The following EMILIN2 variants were observed in gnomAD, a reference collection of about 807,000 sequenced individuals.
EMILIN2 encodes the protein EMILIN-2.
Under a neutral mutation model 87.1 loss-of-function variants are expected in EMILIN2, and 71 were observed. That is an observed-to-expected ratio of 0.82 (90% CI 0.67 to 0.99). EMILIN2 has a LOEUF of 0.99. Ranked by LOEUF, EMILIN2 falls within the 50% of genes least tolerant of loss-of-function variation. EMILIN2 has a pLI of 0.00. For synonymous variants in EMILIN2, 581 were observed against 563.4 expected, an observed-to-expected ratio of 1.03 and a Z score of -0.44; for missense variants, 1,407 against 1,371.8, an observed-to-expected ratio of 1.03 and a Z score of -0.40.
In EMILIN2 at chr18:2,847,956, GC is replaced by G; in HGVS notation, c.257+26del. 1 of 1,595,060 alleles carries G rather than the reference GC, an allele frequency of 6.3e-7. No homozygotes were observed. The highest frequency in any genetic ancestry group is 1.1e-5 in the South Asian group (1 of 89,850). ...TGTAAGTCCTGGAGCCGGGGAGCGG[GC>G]GGGGCGCGCCCGGGCCGGGGCGGTG... On this transcript the variant is annotated intron_variant, in intron 2 of 7. Transcript: ENST00000254528. The surrounding 1 kb of genome is among the most constrained non-coding windows in gnomAD (Gnocchi z 4.5).
rs762400510 is a variant in EMILIN2 at position 2,847,805 on chromosome 18, C to A, written c.135-4C>A. 71 of 1,612,858 alleles carry A rather than the reference C, an allele frequency of 4.4e-5. No individual in the cohort carries two copies. The highest frequency in any genetic ancestry group is 5.8e-5 in the Non-Finnish European group (68 of 1,179,704). On this transcript the variant is annotated splice_region_variant and splice_polypyrimidine_tract_variant and intron_variant, in intron 1 of 7. Coordinates refer to ENST00000254528, the MANE Select transcript of EMILIN2 (RefSeq NM_032048.3). The surrounding 1 kb of genome is among the most constrained non-coding windows in gnomAD (Gnocchi z 4.5). ...CCCCTCTCCCTCTCTCTCCTGCACC[C>A]CAGGAACTGGTGCGCCTACATCGTG... is the stretch of plus-strand genomic sequence containing the variant.
intron 2 of EMILIN2, among the ~76,000 whole-genome samples, chr18:2,858,617 A>G (rs1223883348): frequency 1.5e-5 from 2 of 131,082 alleles, no homozygotes; most frequent in South Asian, 4.8e-4. Context: ...ATATATATAT[A>G]TGTTCCACAG....
chr18:2,853,042 G>A (rs2076609144), intron 2 of EMILIN2, among the ~76,000 whole-genome samples: 1 of 152,084 alleles, frequency 6.6e-6, no homozygotes, highest in Non-Finnish European at 1.5e-5. Context: ...GAAGGAAAGG[G>A]GCACCATCCC....
intron 7 of EMILIN2, 90 bp downstream of exon 7, chr18:2,909,909 TC>T (rs1428761765): frequency 2.6e-6 from 4 of 1,555,152 alleles, no homozygotes; most frequent in Non-Finnish European, 3.5e-6. Context: ...GTTCCCAGCG[TC>T]CCGTGGGCTC....
rs1189895287 is a variant in EMILIN2, at chr18:2,913,509, A to G, written c.*105A>G. The G allele has an allele frequency of 4.4e-6, 4 of 910,920 alleles. No individual in the cohort carries two copies. The Admixed American group carries it at 8.8e-5, about 20-fold the overall frequency. 56.4% of individuals were successfully genotyped at this position (910,920 alleles called of 1,614,324 possible). On this transcript the variant is annotated 3_prime_UTR_variant, in exon 8 of 8. Coordinates refer to ENST00000254528, the MANE Select transcript of EMILIN2 (RefSeq NM_032048.3). ...GGAAGCACGGGGCTAGAGTTTCCACATAGGCCCCAACATAAAGGCCTTCCC... is the reference window on the plus strand; with the variant it reads ...GGAAGCACGGGGCTAGAGTTTCCACGTAGGCCCCAACATAAAGGCCTTCCC...
At chr18:2,855,255 A>C (rs1254255732) in intron 2 of EMILIN2, among the ~76,000 whole-genome samples, 1 of 152,162 alleles carries the variant, frequency 6.6e-6, no homozygotes, top group Non-Finnish European at 1.5e-5. Flanking sequence ...CTAGGTTCCC[A>C]GTGGAGGAGA....
At chr18:2,910,690 TGGGA>T (rs1419533344) in intron 7 of EMILIN2, among the ~76,000 whole-genome samples, 3 of 150,896 alleles carry the variant, frequency 2.0e-5, no homozygotes, top group African/African-American at 7.3e-5. Flanking sequence ...CATAAGCCAC[TGGGA>T]GGGAGGGGGA....
At chr18:2,864,595 C>G (rs2076677266) in intron 2 of EMILIN2, among the ~76,000 whole-genome samples, 1 of 152,216 alleles carries the variant, frequency 6.6e-6, no homozygotes, top group Non-Finnish European at 1.5e-5. Context: ...AGCTATTAGT[C>G]TGATGGGCTT....
chr18:2,913,731 C>T lies in EMILIN2; in HGVS notation c.*327C>T. On this transcript the variant is annotated 3_prime_UTR_variant, in exon 8 of 8. Coordinates refer to ENST00000254528, the MANE Select transcript of EMILIN2 (RefSeq NM_032048.3). ...CACAGAGGCTCCGTCTGACTGTGGGCTGGGAGGAGGGAGGCAGGGGAGAGC... is the reference window on the plus strand; with the variant it reads ...CACAGAGGCTCCGTCTGACTGTGGGTTGGGAGGAGGGAGGCAGGGGAGAGC... 1 of 269,144 alleles carries T rather than the reference C, an allele frequency of 3.7e-6. No individual in the cohort carries two copies. The highest frequency in any genetic ancestry group is 7.1e-6 in the Non-Finnish European group (1 of 141,416). The allele number at this position is 269,144 out of a possible 1,614,324, so 16.7% of individuals were successfully genotyped here.
At chr18:2,906,518 T>G in intron 4 of EMILIN2, 2 of 330,832 alleles carry the variant, frequency 6.0e-6, no homozygotes, top group Non-Finnish European at 1.1e-5. Context: ...GTGAGGCCGG[T>G]TTGGAAAGTG....
At chr18:2,861,376 T>G (rs577017073) in intron 2 of EMILIN2, among the ~76,000 whole-genome samples, 221 of 152,368 alleles carry the variant, frequency 1.5e-3, no homozygotes, top group Non-Finnish European at 2.3e-3. Flanking sequence ...GTCTAACATT[T>G]AAGTCTTTAA....
chr18:2,911,765 T>C (rs1303139020), intron 7 of EMILIN2, among the ~76,000 whole-genome samples: 2 of 152,216 alleles, frequency 1.3e-5, no homozygotes. Context: ...TAGTCTCGCA[T>C]TCCCAGAGCT....
chr18:2,898,166 CTGAG>C (rs1248929549), intron 4 of EMILIN2, among the ~76,000 whole-genome samples: 1 of 152,190 alleles, frequency 6.6e-6, no homozygotes. Flanking sequence ...CCACTCGAGT[CTGAG>C]TGACCCATGA....
chr18:2,847,541 G>T lies in EMILIN2; in HGVS notation c.134+219G>T, dbSNP rs904296072. Among the ~76,000 whole-genome samples the T allele has an allele frequency of 6.6e-6, 1 of 152,264 alleles. No homozygotes were observed. The highest frequency in any genetic ancestry group is 1.9e-4 in the East Asian group (1 of 5,140). ...GGCGCAGAGAGCGTCCCGCAGACCC[G>T]GGCGATCCGAAAACGACTCCCAGGA... On this transcript the variant is annotated intron_variant, in intron 1 of 7. Transcript: ENST00000254528. The surrounding 1 kb of genome is among the most constrained non-coding windows in gnomAD (Gnocchi z 4.5).
intron 2 of EMILIN2, among the ~76,000 whole-genome samples, chr18:2,873,667 A>C (rs1428167193): frequency 6.6e-6 from 1 of 152,170 alleles, no homozygotes. Flanking sequence ...AGATCGCGTC[A>C]CTGCACTCCA....
intron 5 of EMILIN2, among the ~76,000 whole-genome samples, chr18:2,908,208 C>T (rs2076923809): frequency 6.6e-6 from 1 of 152,156 alleles, no homozygotes; most frequent in Non-Finnish European, 1.5e-5. Context: ...CTATTTGTTC[C>T]CTCATTTGTC....
chr18:2,883,959 CTTTT>C (rs1171559075), intron 2 of EMILIN2, among the ~76,000 whole-genome samples: 1 of 152,030 alleles, frequency 6.6e-6, no homozygotes, highest in African/African-American at 2.4e-5. Flanking sequence ...TTCTTTCTTT[CTTTT>C]TATTTTTTTT....
rs1243944768 is a variant in EMILIN2 at position 2,868,274 on chromosome 18, A to G, written c.258-16690A>G. ...GGCAGAGACGCTCCTCACTTCCTAG[A>G]TGGGATGGCGGCGGGGAAGAGGCGC... On this transcript the variant is annotated intron_variant, in intron 2 of 7. Transcript: ENST00000254528. 3.8e-3 allele frequency among the ~76,000 whole-genome samples: 571 copies of G among 151,448 alleles called. 5 individuals carry two copies. Among genetic ancestry groups the G allele is most frequent in the African/African-American group, 0.013 (544 of 41,194 alleles).
intron 2 of EMILIN2, among the ~76,000 whole-genome samples, chr18:2,857,294 CTG>C (rs1351640092): frequency 1.3e-5 from 2 of 152,024 alleles, no homozygotes; most frequent in Non-Finnish European, 2.9e-5. Flanking sequence ...TTTCCCATCT[CTG>C]TGCACCTTTG....
Sources: gnomAD v4.1 joint callset for allele counts (sites outside exome capture counted in the v4.1 genomes callset) on GRCh38, gnomAD v4.1.1 for gene constraint, Gnocchi (gnomAD v3.1) non-coding constraint, MANE v1.5 for transcripts, NCBI Gene and HGNC (gene_info 2026-07-23, HGNC 2026-07-21) for gene names.